TMEM223: variants seen among roughly 807,000 people sequenced by gnomAD.
TMEM223 encodes the protein transmembrane protein 223.
TMEM223 carries 14 observed loss-of-function variants against 14.1 expected under a neutral mutation model. The ratio of observed to expected loss-of-function variants is 0.99; its 90% CI spans 0.66 to 1.55. The LOEUF (loss-of-function observed/expected upper bound fraction) is 1.55, where lower values mean the gene tolerates loss of function less well. Ranked by LOEUF, TMEM223 falls within the 40% of genes most tolerant of loss-of-function variation. TMEM223 has a pLI of 0.00. For synonymous variants in TMEM223, 145 were observed against 120.5 expected (o/e 1.20, Z -1.33); for missense variants, 346 against 269.9 (o/e 1.28, Z -1.97).
At chr11:62,788,292 A>C (rs757512418), downstream of TMEM223, among the ~76,000 whole-genome samples, 1 of 152,120 alleles carries the variant, frequency 6.6e-6, no homozygotes, top group Non-Finnish European at 1.5e-5. Context: ...AATCCCAGCT[A>C]CTTCGGAGGC....
intron 2 of TMEM223, among the ~76,000 whole-genome samples, chr11:62,774,155 C>T (rs7935682): frequency 0.025 from 3,864 of 152,048 alleles, 68 homozygotes; most frequent in Non-Finnish European, 0.039. Flanking sequence ...CGGCTCACTG[C>T]AATCTCCGCC....
chr11:62,787,149 C>T (rs1266958970), downstream of TMEM223: 3 of 1,571,294 alleles, frequency 1.9e-6, no homozygotes, highest in African/African-American at 2.7e-5. Context: ...GGCGCTGCCG[C>T]GGGCGCCTTT....
chr11:62,790,464 C>G lies in TMEM223; in HGVS notation c.*159G>C. The G allele has an allele frequency of 2.0e-6, 1 of 512,452 alleles. No individual in the cohort carries two copies. Among genetic ancestry groups the G allele is most frequent in the Non-Finnish European group, 3.3e-6 (1 of 303,268 alleles). The allele number at this position is 512,452 out of a possible 1,614,324, so 31.7% of individuals were successfully genotyped here. On this transcript the variant is annotated 3_prime_UTR_variant, in exon 2 of 2. Coordinates refer to ENST00000307366, the MANE Select transcript of TMEM223 (RefSeq NM_001080501.3). ...TTGTTTTTTTTTTTGTAAATAGAGACAAGGTCTCGCTATGTTGCCCAGCCT... is the reference window on the plus strand; with the variant it reads ...TTGTTTTTTTTTTTGTAAATAGAGAGAAGGTCTCGCTATGTTGCCCAGCCT...
At chr11:62,791,214 A>G (rs2084357036) in intron 1 of TMEM223, among the ~76,000 whole-genome samples, 1 of 152,108 alleles carries the variant, frequency 6.6e-6, no homozygotes, top group Non-Finnish European at 1.5e-5. Flanking sequence ...GGCAGCCCTC[A>G]GCCTAGGCTA....
At chr11:62,789,235 G>A (rs1314562883), downstream of TMEM223, 4 of 1,613,884 alleles carry the variant, frequency 2.5e-6, no homozygotes, top group Non-Finnish European at 3.4e-6. Context: ...CTGAGGGCCA[G>A]GGGCTGAGGT....
intron 1 of TMEM223, chr11:62,776,528 G>C: frequency 6.4e-7 from 1 of 1,551,744 alleles, no homozygotes. Flanking sequence ...TCCATGTCCA[G>C]TTCAGGGCTG....
downstream of TMEM223, among the ~76,000 whole-genome samples, chr11:62,788,724 T>C (rs1424528689): frequency 6.7e-6 from 1 of 149,900 alleles, no homozygotes; most frequent in Admixed American, 6.6e-5. Flanking sequence ...TGTTGAAGGA[T>C]ATACAAGGCC....
chr11:62,778,302 G>C, intron 1 of TMEM223: 1 of 1,614,178 alleles, frequency 6.2e-7, no homozygotes, highest in Non-Finnish European at 8.5e-7. Flanking sequence ...CTCCTACCTG[G>C]ATGGCAAAGG....
Position 62,791,922 on chromosome 11 carries a change from G to A in TMEM223, c.73C>T (p.Leu25=). 2.5e-6 allele frequency: 4 copies of A among 1,598,524 alleles called. No individual in the cohort carries two copies. Among genetic ancestry groups the A allele is most frequent in the East Asian group, 2.3e-5 (1 of 44,138 alleles). The change falls in exon 1 of 2, where the codon CTG becomes TTG. Residue 25 remains leucine, a synonymous_variant. Coordinates refer to ENST00000307366, the MANE Select transcript of TMEM223 (RefSeq NM_001080501.3). The part of the protein sequence containing the change: ...VLRPLLTCRP[L]QGTTLQRDVL... ...TCCCGTTGCAGCGTCGTGCCTTGCAGGGGCCGGCAGGTGAGCAGGGGCCGC... is the reference window on the plus strand; with the variant it reads ...TCCCGTTGCAGCGTCGTGCCTTGCAAGGGCCGGCAGGTGAGCAGGGGCCGC...
chr11:62,791,912 G>C lies in TMEM223; in HGVS notation c.83C>G (p.Thr28Arg). 1 of 1,600,426 alleles carries C rather than the reference G, an allele frequency of 6.2e-7. No homozygotes were observed. ...PLLTCRPLQG[T>R]TLQRDVLLFE... The stretch of plus-strand genomic sequence containing the variant: ...GAGCAGCACATCCCGTTGCAGCGTC[G>C]TGCCTTGCAGGGGCCGGCAGGTGAG... Residue 28 changes from threonine to arginine, a missense_variant, in exon 1 of 2, where the codon ACG becomes AGG. Transcript: ENST00000307366.
At position 62,791,949 on chromosome 11, in the gene TMEM223, G is replaced by A. The variant is rs1163436868; in HGVS notation, c.46C>T (p.Leu16=). 6 of 1,583,988 alleles carry A rather than the reference G, an allele frequency of 3.8e-6. No homozygotes were observed. In the East Asian group the frequency reaches 6.9e-5, roughly 18 times the overall value. The change falls in exon 1 of 2, where the codon CTG becomes TTG. Residue 16 remains leucine, a synonymous_variant. Transcript: ENST00000307366. The stretch of plus-strand genomic sequence containing the variant: ...GGCCGGCAGGTGAGCAGGGGCCGCA[G>A]CACGGCTAGCAGCCCCGTGGGCCAT... ...RRWPTGLLAV[L]RPLLTCRPLQ... is the part of the protein sequence containing the mutation.
chr11:62,779,970 A>ATTTTTT lies in TMEM223; in HGVS notation c.315-5306_315-5305insAAAAAA, dbSNP rs1263442687. The stretch of plus-strand genomic sequence containing the variant: ...CGTGAGCCTATATATATATATATAT[A>ATTTTTT]TATATATTTTTTTTTTTTTTTTTTT... On this transcript the variant is annotated intron_variant, in intron 1 of 2. Transcript: ENST00000528367. Among the ~76,000 whole-genome samples, 463 of 64,250 alleles carry ATTTTTT rather than the reference A, an allele frequency of 7.2e-3. 8 individuals are homozygous for ATTTTTT. The highest frequency in any genetic ancestry group is 0.019 in the African/African-American group (426 of 21,958). 42.2% of individuals were successfully genotyped at this position (64,250 alleles called of 152,430 possible).
At chr11:62,779,977 T>TA (rs1491411798) in intron 1 of TMEM223, among the ~76,000 whole-genome samples, 1,183 of 39,926 alleles carry the variant, frequency 0.03, 10 homozygotes, top group Admixed American at 0.068. Context: ...TATATATATA[T>TA]TTTTTTTTTT....
intron 2 of TMEM223, among the ~76,000 whole-genome samples, chr11:62,773,364 T>C (rs1590931801): frequency 6.6e-6 from 1 of 151,968 alleles, no homozygotes; most frequent in East Asian, 1.9e-4. Flanking sequence ...TCCAGGCTGG[T>C]CTAGAACTCC....
At chr11:62,774,170 G>C (rs1168428504) in intron 2 of TMEM223, among the ~76,000 whole-genome samples, 1 of 151,792 alleles carries the variant, frequency 6.6e-6, no homozygotes, top group Non-Finnish European at 1.5e-5. Context: ...TCCGCCTCCT[G>C]GGTTCACGCC....
rs1305416780 is a variant in TMEM223 at position 62,790,702 on chromosome 11, T to C, written c.530A>G (p.Tyr177Cys). ...GTGTCCAGTTTTGTCCAAGAGGAAA[T>C]AGAAGCGTCGGCCTTTGACTTTCAG... is the stretch of plus-strand genomic sequence containing the variant. ...LPLKVKGRRF[Y>C]FLLDKTGHFP... is the part of the protein sequence containing the mutation. The change falls in exon 2 of 2, where the codon TAT becomes TGT. Residue 177 changes from tyrosine to cysteine, a missense_variant. By Grantham distance (194) the Tyr-to-Cys change is radical. Transcript: ENST00000307366. The C allele has an allele frequency of 6.2e-7, 1 of 1,611,914 alleles. No homozygotes were observed. Among genetic ancestry groups the C allele is most frequent in the East Asian group, 2.2e-5 (1 of 44,858 alleles).
At chr11:62,786,203 C>T, downstream of TMEM223, 1 of 1,569,240 alleles carries the variant, frequency 6.4e-7, no homozygotes, top group Admixed American at 1.7e-5. Flanking sequence ...GGAAAGGGTC[C>T]TTGAGAGGGA....
At position 62,790,639 on chromosome 11, in the gene TMEM223, GCACC is replaced by G; in HGVS notation, c.589_592del (p.Gly197ProfsTer22). ...GTCATTTCTTCACAAGCTCCGGTAG[GCACC>G]CACAGTATTGTCAAAGAGTTTTGTG... is the stretch of plus-strand genomic sequence containing the variant. On this transcript the variant is annotated frameshift_variant, in exon 2 of 2. Coordinates refer to ENST00000307366, the MANE Select transcript of TMEM223 (RefSeq NM_001080501.3). LOFTEE classifies it high-confidence loss of function. The G allele has an allele frequency of 6.2e-7, 1 of 1,609,096 alleles. No individual in the cohort carries two copies. The highest frequency in any genetic ancestry group is 8.5e-7 in the Non-Finnish European group (1 of 1,176,558).
intron 1 of TMEM223, among the ~76,000 whole-genome samples, chr11:62,779,969 TATATA>T (rs1210032460): frequency 5.7e-4 from 42 of 73,602 alleles, no homozygotes; most frequent in African/African-American, 1.4e-3. Flanking sequence ...TATATATATA[TATATA>T]TATTTTTTTT....
Sources: gnomAD v4.1 joint callset for allele counts (sites outside exome capture counted in the v4.1 genomes callset) on GRCh38, gnomAD v4.1.1 for gene constraint, MANE v1.5 for transcripts, NCBI Gene and HGNC (gene_info 2026-07-23, HGNC 2026-07-21) for gene names.